Variants in FRMD6 observed in about 807,000 individuals in gnomAD.
FRMD6 encodes the protein FERM domain-containing protein 6.
Under a neutral mutation model 73.2 loss-of-function variants are expected in FRMD6, and 37 were observed. The ratio of observed to expected loss-of-function variants is 0.51; its 90% confidence interval spans 0.39 to 0.66. FRMD6 has a LOEUF of 0.66. Ranked by LOEUF, FRMD6 falls within the 30% of genes least tolerant of loss-of-function variation. The pLI is 0.00. For synonymous variants in FRMD6, 273 were observed against 282.2 expected, an observed-to-expected ratio of 0.97 and a Z score of 0.33; for missense variants, 714 against 780.5, an observed-to-expected ratio of 0.91 and a Z score of 1.02.
intron 2 of FRMD6, among the ~76,000 whole-genome samples, chr14:51,642,448 AAT>A (rs1891855814): frequency 6.6e-6 from 1 of 152,188 alleles, no homozygotes; most frequent in South Asian, 2.1e-4. Flanking sequence ...ACTGAGGCAG[AAT>A]TGCTTGAACC....
chr14:51,525,140 G>A (rs1019241545), intron 1 of FRMD6, among the ~76,000 whole-genome samples: 1 of 148,538 alleles, frequency 6.7e-6, no homozygotes, highest in Non-Finnish European at 1.5e-5. Flanking sequence ...TGATAGGTGG[G>A]TGGATGGATG....
chr14:51,465,816 G>A, the FRMD6 span, among the ~76,000 whole-genome samples: 1 of 151,724 alleles, frequency 6.6e-6, no homozygotes, highest in African/African-American at 2.4e-5. Flanking sequence ...GGCAAATACT[G>A]TATCTAAGAA....
intron 7 of FRMD6, among the ~76,000 whole-genome samples, chr14:51,710,135 C>T (rs1896860538): frequency 6.6e-6 from 1 of 152,108 alleles, no homozygotes; most frequent in African/African-American, 2.4e-5. Context: ...ACTTAATTTT[C>T]AAGTTTACTT....
At chr14:51,402,320 T>G in the FRMD6 span, among the ~76,000 whole-genome samples, 1 of 152,152 alleles carries the variant, frequency 6.6e-6, no homozygotes, top group Non-Finnish European at 1.5e-5. Flanking sequence ...TATTATATGG[T>G]TTGGCTCTGT....
intron 1 of FRMD6, among the ~76,000 whole-genome samples, chr14:51,553,262 T>G (rs17124165): frequency 0.016 from 2,509 of 152,330 alleles, 72 homozygotes; most frequent in African/African-American, 0.057. Flanking sequence ...TAATAGCATC[T>G]GCTCATTGGT....
At chr14:51,619,722 T>C (rs1052261105) in intron 2 of FRMD6, among the ~76,000 whole-genome samples, 2 of 152,184 alleles carry the variant, frequency 1.3e-5, no homozygotes, top group African/African-American at 4.8e-5. Flanking sequence ...TAGCAGCTCG[T>C]CCATGGTACT....
At chr14:51,415,496 A>ATGAAGC in the FRMD6 span, among the ~76,000 whole-genome samples, 22 of 152,298 alleles carry the variant, frequency 1.4e-4, no homozygotes, top group Admixed American at 9.1e-4. Context: ...CATCCCAGGG[A>ATGAAGC]TGAAGCTGAC....
At chr14:51,418,344 G>C in the FRMD6 span, among the ~76,000 whole-genome samples, 1 of 152,116 alleles carries the variant, frequency 6.6e-6, no homozygotes, top group African/African-American at 2.4e-5. Flanking sequence ...GTTTTGGTGT[G>C]GATGTCCTTT....
chr14:51,704,902 A>C lies in FRMD6; in HGVS notation c.525A>C (p.Lys175Asn). 2 of 1,611,940 alleles carry C rather than the reference A, an allele frequency of 1.2e-6. No homozygotes were observed. Among genetic ancestry groups the C allele is most frequent in the Non-Finnish European group, 1.7e-6 (2 of 1,178,568 alleles). ...TCAAAAGGAATAAGCACTATGGAAA[A>C]TACTTCGAGCCAGAGGCTTACTTCC... is the stretch of plus-strand genomic sequence containing the variant. ...GNFKRNKHYG[K>N]YFEPEAYFPS... The change falls in exon 6 of 14, where the codon AAA (lysine) becomes AAC (asparagine). Residue 175 changes from lysine to asparagine, a missense_variant. Physicochemically the swap from Lys to Asn is moderately conservative, Grantham distance 94 (BLOSUM62 0). Coordinates refer to ENST00000344768, the MANE Select transcript of FRMD6 (RefSeq NM_001267046.2).
intron 7 of FRMD6, 24 bp downstream of exon 7, chr14:51,708,257 C>A: frequency 6.2e-7 from 1 of 1,603,780 alleles, no homozygotes; most frequent in East Asian, 2.2e-5. Context: ...ACTAAGTCTT[C>A]AGCTTCTGAG....
At chr14:51,680,245 G>C (rs1894706148) in intron 1 of FRMD6, among the ~76,000 whole-genome samples, 1 of 152,128 alleles carries the variant, frequency 6.6e-6, no homozygotes, top group African/African-American at 2.4e-5. Context: ...CTCCACTAGG[G>C]CCCTTATCTG....
chr14:51,552,417 G>A (rs1342817942), intron 1 of FRMD6, among the ~76,000 whole-genome samples: 1 of 152,238 alleles, frequency 6.6e-6, no homozygotes, highest in Admixed American at 6.5e-5. Flanking sequence ...GGGACGAGTA[G>A]CCTTTGAATT....
chr14:51,715,585 A>G (rs1282297522), intron 10 of FRMD6, 86 bp downstream of exon 10: 3 of 1,188,330 alleles, frequency 2.5e-6, no homozygotes, highest in East Asian at 2.5e-5. Flanking sequence ...GAGCTCCTAC[A>G]GAATTGGATT....
chr14:51,727,795 C>T lies in FRMD6; in HGVS notation c.1635C>T (p.Leu545=), dbSNP rs1179548355. The change falls in exon 14 of 14, where the codon CTC becomes CTT. Residue 545 remains leucine (L), a synonymous_variant. Transcript: ENST00000344768. ...KTSTDRHSLS[L]DDIRLYQKDF... is the part of the protein sequence containing the mutation. ...CCACTGATCGACACAGCTTGAGCCT[C>T]GATGACATCAGACTTTACCAGAAAG... 1.2e-6 allele frequency: 2 copies of T among 1,613,088 alleles called. No individual in the cohort carries two copies. Among genetic ancestry groups the T allele is most frequent in the South Asian group, 1.1e-5 (1 of 91,060 alleles).
At chr14:51,517,021 GT>G (rs1414511214) in intron 1 of FRMD6, among the ~76,000 whole-genome samples, 1 of 152,100 alleles carries the variant, frequency 6.6e-6, no homozygotes, top group East Asian at 1.9e-4. Flanking sequence ...AAATTGTAAT[GT>G]CATTTTCAAT....
the FRMD6 span, among the ~76,000 whole-genome samples, chr14:51,435,576 A>T: frequency 6.6e-6 from 1 of 152,222 alleles, no homozygotes; most frequent in Non-Finnish European, 1.5e-5. Flanking sequence ...ACTACAGATG[A>T]TCATGGTTAC....
At chr14:51,725,209 C>T (rs1046654625) in intron 12 of FRMD6, among the ~76,000 whole-genome samples, 19 of 152,084 alleles carry the variant, frequency 1.2e-4, no homozygotes, top group African/African-American at 2.7e-4. Context: ...GTTATTGGCC[C>T]GATTTTATAC....
intron 1 of FRMD6, among the ~76,000 whole-genome samples, chr14:51,665,120 A>G (rs1378588080): frequency 6.6e-6 from 1 of 152,208 alleles, no homozygotes; most frequent in Non-Finnish European, 1.5e-5. Flanking sequence ...CTTTTAACAT[A>G]GTTATTTGCC....
intron 1 of FRMD6, among the ~76,000 whole-genome samples, chr14:51,514,133 A>C (rs1019433983): frequency 6.6e-6 from 1 of 151,862 alleles, no homozygotes; most frequent in Non-Finnish European, 1.5e-5. Flanking sequence ...CCCCCACATG[A>C]CTCTTCCTGC....
Sources: gnomAD v4.1 joint callset for allele counts (sites outside exome capture counted in the v4.1 genomes callset) on GRCh38, gnomAD v4.1.1 for gene constraint, MANE v1.5 for transcripts, NCBI Gene and HGNC (gene_info 2026-07-23, HGNC 2026-07-21) for gene names.